GPC6: variants seen among roughly 807,000 people sequenced by gnomAD.
GPC6 encodes glypican-6.
A neutral mutation model predicts 55.2 loss-of-function variants in GPC6; 14 were observed. The ratio of observed to expected loss-of-function variants is 0.25; its 90% CI spans 0.17 to 0.40. The LOEUF is 0.40. GPC6 is among the 10% of genes least tolerant of loss of function. GPC6 has a pLI of 1.00. For missense variants in GPC6, 641 were observed against 708.5 expected (o/e 0.90, Z 1.08); for synonymous variants, 278 against 259.6 (o/e 1.07, Z -0.68).
At chr13:93,626,242 A>G (rs941765648) in intron 2 of GPC6, among the ~76,000 whole-genome samples, 39 of 152,316 alleles carry the variant, frequency 2.6e-4, no homozygotes, top group African/African-American at 9.1e-4. Context: ...CAAAATATTA[A>G]ATATGAGACG....
chr13:94,039,134 C>T (rs1883442224), intron 4 of GPC6, among the ~76,000 whole-genome samples: 1 of 151,952 alleles, frequency 6.6e-6, no homozygotes, highest in Admixed American at 6.6e-5. Flanking sequence ...ACCAGCGCAG[C>T]TGAAATAGAC....
At chr13:94,170,279 A>C (rs1888513899) in intron 4 of GPC6, among the ~76,000 whole-genome samples, 1 of 142,394 alleles carries the variant, frequency 7.0e-6, no homozygotes, top group Non-Finnish European at 1.6e-5. Flanking sequence ...CTTGGATGGA[A>C]ATCAAATTCT....
intron 2 of GPC6, among the ~76,000 whole-genome samples, chr13:93,680,576 AG>A (rs1881809997): frequency 6.6e-6 from 1 of 152,164 alleles, no homozygotes; most frequent in Non-Finnish European, 1.5e-5. Context: ...GGGATTAAGG[AG>A]GGTCTTCTAA....
intron 3 of GPC6, among the ~76,000 whole-genome samples, chr13:93,976,037 G>C (rs1396703625): frequency 6.6e-6 from 1 of 152,066 alleles, no homozygotes; most frequent in African/African-American, 2.4e-5. Context: ...TCTTGTAATA[G>C]TGTTAGCATA....
chr13:93,865,200 A>G (rs941548064), intron 3 of GPC6, among the ~76,000 whole-genome samples: 1 of 151,628 alleles, frequency 6.6e-6, no homozygotes, highest in Non-Finnish European at 1.5e-5. Flanking sequence ...CCTCCTCTCC[A>G]GTTGGAAGAT....
At position 94,174,502 on chromosome 13, in the gene GPC6, A is replaced by G. The variant is rs74698433; in HGVS notation, c.878-111847A>G. On this transcript the variant is annotated intron_variant, in intron 4 of 8. Transcript: ENST00000377047. Reference sequence around the variant, plus strand: ...AGAGACAGATGTAGGTGAACAAGGAAGCACAAAATTGGTAATACATTGTTA... The same window carrying G: ...AGAGACAGATGTAGGTGAACAAGGAGGCACAAAATTGGTAATACATTGTTA... Among the ~76,000 whole-genome samples, 1,519 of 152,262 alleles carry G rather than the reference A, an allele frequency of 1.0e-2. 22 individuals carry two copies. Among genetic ancestry groups the G allele is most frequent in the African/African-American group, 0.034 (1,432 of 41,554 alleles).
intron 2 of GPC6, among the ~76,000 whole-genome samples, chr13:93,551,299 G>A (rs7988171): frequency 0.34 from 36,142 of 107,778 alleles, 4,494 homozygotes; most frequent in South Asian, 0.43. Flanking sequence ...GCCCTTTACT[G>A]TTTTCTAACA....
At position 93,545,344 on chromosome 13, in the gene GPC6, T is replaced by G. The variant is rs1874725195; in HGVS notation, c.242T>G (p.Leu81Arg). 1 of 1,613,662 alleles carries G rather than the reference T, an allele frequency of 6.2e-7. No individual in the cohort carries two copies. ...GACAAGTTAAGCCAACAAAGCAAAC[T>G]CGAATTTGAAAACCTTGTGGAAGAG... ...MEDKLSQQSKLEFENLVEETS... is the reference protein window; with the variant it reads ...MEDKLSQQSKREFENLVEETS... The change falls in exon 2 of 9, where the codon CTC becomes CGC. Residue 81 changes from leucine to arginine, a missense_variant. Leu to Arg is a moderately radical substitution (Grantham distance 102). Transcript: ENST00000377047.
chr13:94,202,206 C>A (rs1376777081), intron 4 of GPC6, among the ~76,000 whole-genome samples: 2 of 152,100 alleles, frequency 1.3e-5, no homozygotes, highest in African/African-American at 2.4e-5. Context: ...GCCCACAGTC[C>A]TTTGCATGTT....
intron 2 of GPC6, among the ~76,000 whole-genome samples, chr13:93,645,019 G>A (rs1880114576): frequency 6.6e-6 from 1 of 152,106 alleles, no homozygotes; most frequent in Middle Eastern, 3.4e-3. Context: ...GGTTACAGTA[G>A]GACTGAAGGG....
chr13:93,778,978 T>G (rs993868588), intron 2 of GPC6, among the ~76,000 whole-genome samples: 2 of 152,224 alleles, frequency 1.3e-5, no homozygotes, highest in African/African-American at 4.8e-5. Context: ...GATAAACATT[T>G]CTGGATTATT....
At chr13:94,392,310 T>C (rs1248663434) in intron 7 of GPC6, among the ~76,000 whole-genome samples, 1 of 151,762 alleles carries the variant, frequency 6.6e-6, no homozygotes, top group East Asian at 1.9e-4. Context: ...TAATAATATA[T>C]GTATTATTCA....
At chr13:93,478,242 A>G (rs778576540) in intron 1 of GPC6, among the ~76,000 whole-genome samples, 4 of 152,216 alleles carry the variant, frequency 2.6e-5, no homozygotes, top group Non-Finnish European at 5.9e-5. Context: ...AGTCGTCAAT[A>G]AGACATGGCC....
chr13:93,555,826 G>T (rs1875431124), intron 2 of GPC6, among the ~76,000 whole-genome samples: 1 of 152,118 alleles, frequency 6.6e-6, no homozygotes, highest in African/African-American at 2.4e-5. Context: ...CCATTCTTTG[G>T]TCTGGACTGA....
At chr13:93,648,787 T>C (rs1353129929) in intron 2 of GPC6, among the ~76,000 whole-genome samples, 1 of 152,166 alleles carries the variant, frequency 6.6e-6, no homozygotes, top group Non-Finnish European at 1.5e-5. Flanking sequence ...TGCAGAGTCA[T>C]AGAGTCAGAA....
chr13:93,233,990 T>C (rs1031046860), intron 1 of GPC6, among the ~76,000 whole-genome samples: 4 of 152,204 alleles, frequency 2.6e-5, no homozygotes, highest in Non-Finnish European at 5.9e-5. Context: ...GTTTCAAATA[T>C]AGCACAAAGA....
At chr13:94,304,639 T>C (rs1490790682) in intron 5 of GPC6, among the ~76,000 whole-genome samples, 2 of 152,192 alleles carry the variant, frequency 1.3e-5, no homozygotes, top group African/African-American at 4.8e-5. Flanking sequence ...TTACTGCATT[T>C]CCTGTAGTTC....
At chr13:93,755,949 C>T (rs1223670256) in intron 2 of GPC6, among the ~76,000 whole-genome samples, 1 of 152,082 alleles carries the variant, frequency 6.6e-6, no homozygotes, top group East Asian at 1.9e-4. Context: ...CTGGAGGAAT[C>T]CTCTACTGTT....
intron 3 of GPC6, among the ~76,000 whole-genome samples, chr13:93,996,285 T>C (rs548019939): frequency 6.6e-6 from 1 of 152,340 alleles, no homozygotes; most frequent in South Asian, 2.1e-4. Context: ...GGCTGAATTA[T>C]GAATACAGGC....
Sources: allele counts gnomAD v4.1 joint callset (sites outside exome capture counted in the v4.1 genomes callset), GRCh38; gene constraint gnomAD v4.1.1; transcripts MANE v1.5; gene names NCBI Gene and HGNC (gene_info 2026-07-23, HGNC 2026-07-21).